The following FNBP1 variants were observed in gnomAD, a reference collection of about 807,000 sequenced individuals.
The protein encoded by FNBP1 is formin-binding protein 1.
In FNBP1, 26 loss-of-function variants were observed where a neutral mutation model predicts 90.6. The observed-to-expected ratio is 0.29, with a 90% CI of 0.21 to 0.40. The LOEUF (loss-of-function observed/expected upper bound fraction) is 0.40. Ranked by LOEUF, FNBP1 falls within the 10% of genes least tolerant of loss-of-function variation. FNBP1 has a pLI of 1.00. For missense variants in FNBP1, 635 were observed against 768.0 expected, an observed-to-expected ratio of 0.83 and a Z score of 2.05; for synonymous variants, 260 against 265.2, an observed-to-expected ratio of 0.98 and a Z score of 0.19.
At chr9:129,904,893 A>G (rs1436404665) in intron 12 of FNBP1, among the ~76,000 whole-genome samples, 2 of 152,248 alleles carry the variant, frequency 1.3e-5, no homozygotes, top group Admixed American at 6.5e-5. Flanking sequence ...GTAGATGCTC[A>G]ATGAATATTT....
chr9:129,967,936 G>A (rs898032516), intron 4 of FNBP1, among the ~76,000 whole-genome samples: 4 of 151,850 alleles, frequency 2.6e-5, no homozygotes, highest in African/African-American at 7.3e-5. Flanking sequence ...TGAACTCCCC[G>A]GCCCTGAGCA....
upstream of FNBP1, among the ~76,000 whole-genome samples, chr9:130,047,187 A>G (rs570425688): frequency 4.6e-5 from 7 of 152,304 alleles, no homozygotes; most frequent in Non-Finnish European, 8.8e-5. Flanking sequence ...TCTCTAAAAA[A>G]AAATAAAAAT....
chr9:129,937,930 A>C (rs2043723630), intron 6 of FNBP1, among the ~76,000 whole-genome samples: 1 of 151,994 alleles, frequency 6.6e-6, no homozygotes. Flanking sequence ...TGTGAGGCTG[A>C]GGTGGGCATG....
intron 4 of FNBP1, among the ~76,000 whole-genome samples, chr9:129,970,863 CT>C (rs1303601065): frequency 6.6e-6 from 1 of 152,022 alleles, no homozygotes; most frequent in Non-Finnish European, 1.5e-5. Flanking sequence ...GAAAGGTTCT[CT>C]TTTTAGTGAA....
intron 2 of FNBP1, among the ~76,000 whole-genome samples, chr9:129,993,916 C>T (rs1034593031): frequency 2.0e-5 from 3 of 152,150 alleles, no homozygotes; most frequent in African/African-American, 4.8e-5. Flanking sequence ...TGAGCCACTG[C>T]GCCCGGCCCG....
At chr9:129,934,342 G>A (rs2043141677) in intron 6 of FNBP1, among the ~76,000 whole-genome samples, 1 of 152,128 alleles carries the variant, frequency 6.6e-6, no homozygotes, top group South Asian at 2.1e-4. Flanking sequence ...TGTTTTACTT[G>A]CAACGAGTCA....
intron 4 of FNBP1, among the ~76,000 whole-genome samples, chr9:129,964,884 A>G (rs1419273671): frequency 1.3e-5 from 2 of 152,134 alleles, no homozygotes; most frequent in Non-Finnish European, 2.9e-5. Context: ...GTAGAAAAAA[A>G]CATAAGAATA....
chr9:130,020,901 T>TTAG (rs1480123720), intron 1 of FNBP1, among the ~76,000 whole-genome samples: 2 of 152,166 alleles, frequency 1.3e-5, no homozygotes, highest in Non-Finnish European at 2.9e-5. Context: ...GTTGTGGTAC[T>TTAG]TAGACTTAGT....
intron 1 of FNBP1, among the ~76,000 whole-genome samples, chr9:129,996,027 A>AG (rs1296705439): frequency 5.9e-5 from 9 of 152,294 alleles, no homozygotes; most frequent in Middle Eastern, 3.4e-3. Context: ...TTGGACGTGG[A>AG]GGCTGGCAAG....
intron 15 of FNBP1, among the ~76,000 whole-genome samples, chr9:129,899,270 A>G (rs2036395231): frequency 6.6e-6 from 1 of 150,972 alleles, no homozygotes; most frequent in Non-Finnish European, 1.5e-5. Flanking sequence ...TAGAGATGGG[A>G]TTTCACCATG....
chr9:129,935,422 G>C (rs2043278102), intron 6 of FNBP1, among the ~76,000 whole-genome samples: 1 of 151,948 alleles, frequency 6.6e-6, no homozygotes, highest in Non-Finnish European at 1.5e-5. Context: ...TTCACATGAG[G>C]CATGTGGTAT....
At chr9:129,965,503 G>T (rs1392613087) in intron 4 of FNBP1, among the ~76,000 whole-genome samples, 1 of 151,992 alleles carries the variant, frequency 6.6e-6, no homozygotes, top group Non-Finnish European at 1.5e-5. Flanking sequence ...CACCCAGAAG[G>T]CTCCACATGC....
chr9:129,921,399 T>G (rs1248932140), intron 10 of FNBP1, among the ~76,000 whole-genome samples: 1 of 151,786 alleles, frequency 6.6e-6, no homozygotes, highest in Non-Finnish European at 1.5e-5. Context: ...TGGGTTTTTT[T>G]TTTTTCTTTT....
upstream of FNBP1, chr9:130,045,092 G>C (rs1164119061): frequency 6.6e-6 from 1 of 152,102 alleles, no homozygotes; most frequent in Non-Finnish European, 1.5e-5. Context: ...GTTTTGGTCT[G>C]CCTTTTTTCA....
chr9:129,919,306 T>C (rs2040743926), intron 10 of FNBP1: 1 of 795,692 alleles, frequency 1.3e-6, no homozygotes, highest in South Asian at 1.4e-5. Context: ...CTTTAACATA[T>C]GACAAACAAC....
chr9:129,940,678 C>A (rs554414762), intron 6 of FNBP1, among the ~76,000 whole-genome samples: 2 of 152,020 alleles, frequency 1.3e-5, no homozygotes, highest in African/African-American at 4.8e-5. Flanking sequence ...CCAGGCTAGA[C>A]TGCAGTGGCA....
intron 2 of FNBP1, among the ~76,000 whole-genome samples, chr9:129,992,646 T>C (rs1381275542): frequency 1.4e-5 from 2 of 139,986 alleles, no homozygotes; most frequent in African/African-American, 2.6e-5. Context: ...CTCTGCCTCC[T>C]GGGCTCAAGC....
At chr9:130,043,202 G>A (rs542818126), upstream of FNBP1, 31 of 357,972 alleles carry the variant, frequency 8.7e-5, no homozygotes, top group South Asian at 4.2e-3. Flanking sequence ...CCGCCGCAGC[G>A]CCCGCCCGCC....
At chr9:129,920,033 T>G (rs1180014609) in intron 10 of FNBP1, among the ~76,000 whole-genome samples, 1 of 152,228 alleles carries the variant, frequency 6.6e-6, no homozygotes, top group Non-Finnish European at 1.5e-5. Flanking sequence ...GAAGGAACAT[T>G]AATTCTGACC....
Sources: allele counts gnomAD v4.1 joint callset (sites outside exome capture counted in the v4.1 genomes callset), GRCh38; gene constraint gnomAD v4.1.1; transcripts MANE v1.5; gene names NCBI Gene and HGNC (gene_info 2026-07-23, HGNC 2026-07-21).